PARD3: variants seen among roughly 807,000 people sequenced by gnomAD.
PARD3 encodes the protein par-3 family cell polarity regulator, also known as partitioning defective 3 homolog.
Under a neutral mutation model 155.4 loss-of-function variants are expected in PARD3, and 75 were observed. The observed-to-expected ratio is 0.48, with a 90% CI of 0.40 to 0.58. The LOEUF (loss-of-function observed/expected upper bound fraction) is 0.58. PARD3 is among the 20% of genes least tolerant of loss of function. The probability of loss-of-function intolerance (pLI) is 0.00; values close to 1 mark genes in which losing one functional copy is unlikely to be tolerated. For synonymous variants in PARD3, 576 were observed against 610.5 expected, an observed-to-expected ratio of 0.94 and a Z score of 0.83; for missense variants, 1,642 against 1,721.7, an observed-to-expected ratio of 0.95 and a Z score of 0.82.
intron 3 of PARD3, among the ~76,000 whole-genome samples, chr10:34,471,581 G>A (rs113382914): frequency 0.011 from 1,719 of 152,320 alleles, 20 homozygotes; most frequent in Non-Finnish European, 0.016. Flanking sequence ...TTGAGACAGA[G>A]TCTGGCTCTG....
chr10:34,273,566 AC>A (rs1463707655), intron 21 of PARD3, among the ~76,000 whole-genome samples: 1 of 152,132 alleles, frequency 6.6e-6, no homozygotes, highest in Non-Finnish European at 1.5e-5. Context: ...AGGTGATGAC[AC>A]AGAACTACAC....
At chr10:34,529,530 C>T (rs922757726) in intron 2 of PARD3, among the ~76,000 whole-genome samples, 3 of 152,184 alleles carry the variant, frequency 2.0e-5, no homozygotes, top group Non-Finnish European at 4.4e-5. Context: ...ACCCCCCACA[C>T]AGTCGAAATC....
At chr10:34,639,029 A>G (rs1006986686) in intron 2 of PARD3, among the ~76,000 whole-genome samples, 1 of 152,202 alleles carries the variant, frequency 6.6e-6, no homozygotes, top group Non-Finnish European at 1.5e-5. Flanking sequence ...TAATGTCTAA[A>G]ATTTCCTCTG....
At chr10:34,685,442 C>T (rs1040581917) in intron 2 of PARD3, among the ~76,000 whole-genome samples, 10 of 152,138 alleles carry the variant, frequency 6.6e-5, no homozygotes, top group African/African-American at 1.9e-4. Flanking sequence ...AAAAACAGTA[C>T]GCTGGTCACC....
chr10:34,140,761 G>T (rs570434230), intron 22 of PARD3, among the ~76,000 whole-genome samples: 1 of 152,288 alleles, frequency 6.6e-6, no homozygotes, highest in Admixed American at 6.5e-5. Context: ...TAAATTCACA[G>T]TAAATCCCCC....
intron 15 of PARD3, chr10:34,346,443 T>C: frequency 2.2e-6 from 3 of 1,348,502 alleles, no homozygotes; most frequent in Non-Finnish European, 3.0e-6. Flanking sequence ...TGGCAAGTCC[T>C]ATGTTCCTAT....
chr10:34,558,657 G>A (rs1590009551), intron 2 of PARD3, among the ~76,000 whole-genome samples: 1 of 152,138 alleles, frequency 6.6e-6, no homozygotes, highest in African/African-American at 2.4e-5. Flanking sequence ...CCGGCCTGGT[G>A]CGGTGGCTCA....
At chr10:34,302,569 A>C (rs1298065175) in intron 20 of PARD3, among the ~76,000 whole-genome samples, 2 of 152,180 alleles carry the variant, frequency 1.3e-5, no homozygotes, top group Non-Finnish European at 2.9e-5. Context: ...CTGCTCAATA[A>C]ATACATCACA....
intron 2 of PARD3, among the ~76,000 whole-genome samples, chr10:34,624,720 C>T (rs1438137655): frequency 6.6e-6 from 1 of 152,224 alleles, no homozygotes; most frequent in Non-Finnish European, 1.5e-5. Flanking sequence ...CCCTCTGCAA[C>T]GCAGATCCCC....
chr10:34,359,151 T>C lies in PARD3; in HGVS notation c.2063A>G (p.Asn688Ser), dbSNP rs182999565. 96 of 1,611,134 alleles carry C rather than the reference T, an allele frequency of 6.0e-5. No homozygotes were observed. The highest frequency in any genetic ancestry group is 1.7e-4 in the Middle Eastern group (1 of 6,046). ...LIVARRISKC[N>S]ELKSPGSPPG... ...GCACTTTTTTGCATTTCTTACCTCA[T>C]TGCACTTGCTTATTCTCCTTGCAAC... Residue 688 changes from asparagine to serine, a missense_variant, in exon 14 of 25, where the codon AAT becomes AGT. By Grantham distance (46) the Asn-to-Ser change is conservative. Transcript: ENST00000374788.
At chr10:34,795,531 G>A (rs372431699) in intron 1 of PARD3, among the ~76,000 whole-genome samples, 173 of 152,066 alleles carry the variant, frequency 1.1e-3, no homozygotes, top group African/African-American at 3.8e-3. Flanking sequence ...AGAATCACTT[G>A]AGCCCAGCAT....
chr10:34,309,236 A>T (rs968617991), intron 20 of PARD3, among the ~76,000 whole-genome samples: 2 of 152,188 alleles, frequency 1.3e-5, no homozygotes. Context: ...AGGTAACAGC[A>T]TGGTGCAAAA....
At chr10:34,742,257 TCAGAGGCACTTGCCTCTGA>T (rs1376562292) in intron 1 of PARD3, among the ~76,000 whole-genome samples, 12 of 152,216 alleles carry the variant, frequency 7.9e-5, no homozygotes, top group Non-Finnish European at 1.2e-4. Context: ...TGGGATGAGA[TCAGAGGCACTTGCCTCTGA>T]CACCAATGTA....
chr10:34,519,936 C>G (rs1317817667), intron 2 of PARD3, among the ~76,000 whole-genome samples: 1 of 151,770 alleles, frequency 6.6e-6, no homozygotes, highest in African/African-American at 2.4e-5. Context: ...TCCACACTGG[C>G]TGCCACCTTG....
chr10:34,269,871 C>G lies in PARD3; in HGVS notation c.3205G>C (p.Glu1069Gln). 1 of 1,613,636 alleles carries G rather than the reference C, an allele frequency of 6.2e-7. No homozygotes were observed. The highest frequency in any genetic ancestry group is 8.5e-7 in the Non-Finnish European group (1 of 1,179,794). ...RIQAKTREFRERQARERDYAE... is the reference protein window; with the variant it reads ...RIQAKTREFRQRQARERDYAE... ...TAGTCACGCTCTCGAGCTTGTCGTT[C>G]CCTAAATTCTCGAGTTTTGGCTTGA... The change falls in exon 22 of 25, where the codon GAA becomes CAA. Residue 1069 changes from glutamate (E) to glutamine (Q), a missense_variant. Physicochemically the swap from Glu to Gln is conservative, Grantham distance 29. This residue lies in a region of PARD3 where 1,529 missense variants were observed against 1,587.3 expected (regional missense o/e 0.96). Transcript: ENST00000374788.
At chr10:34,665,893 AACAG>A in intron 2 of PARD3, among the ~76,000 whole-genome samples, 1 of 151,520 alleles carries the variant, frequency 6.6e-6, no homozygotes, top group African/African-American at 2.4e-5. Context: ...AACAGAACAG[AACAG>A]AACAGAACAA....
At chr10:34,147,217 A>G (rs1168160201) in intron 22 of PARD3, among the ~76,000 whole-genome samples, 1 of 152,134 alleles carries the variant, frequency 6.6e-6, no homozygotes, top group African/African-American at 2.4e-5. Context: ...CCTCACCCCG[A>G]TAACAGCACT....
chr10:34,629,199 A>C (rs2092136814), intron 2 of PARD3, among the ~76,000 whole-genome samples: 1 of 152,172 alleles, frequency 6.6e-6, no homozygotes, highest in Non-Finnish European at 1.5e-5. Flanking sequence ...CCTGTGTGTG[A>C]TTTACTGCCC....
chr10:34,485,927 T>TTG (rs2079429284), intron 3 of PARD3, among the ~76,000 whole-genome samples: 1 of 148,504 alleles, frequency 6.7e-6, no homozygotes, highest in African/African-American at 2.5e-5. Flanking sequence ...GGTTTTTTTT[T>TTG]TTTTTTTTTT....
Sources: allele counts gnomAD v4.1 joint callset (sites outside exome capture counted in the v4.1 genomes callset), GRCh38; gene constraint gnomAD v4.1.1; regional missense constraint gnomAD v4.1.1; transcripts MANE v1.5; gene names NCBI Gene and HGNC (gene_info 2026-07-23, HGNC 2026-07-21).